Variants in DOK6 observed in about 807,000 individuals in gnomAD.
DOK6 encodes docking protein 6, also known as downstream of tyrosine kinase 6.
A neutral mutation model predicts 44.0 loss-of-function variants in DOK6; 22 were observed. The ratio of observed to expected loss-of-function variants is 0.50; its 90% CI spans 0.36 to 0.71. The LOEUF (loss-of-function observed/expected upper bound fraction) is 0.71, where lower values mean the gene tolerates loss of function less well. Among genes scored for constraint, DOK6 ranks in the 30% least tolerant of loss-of-function variants. The pLI is 0.00. For synonymous variants in DOK6, 166 were observed against 145.5 expected (o/e 1.14, Z -1.01); for missense variants, 340 against 416.4 (o/e 0.82, Z 1.60).
intron 6 of DOK6, among the ~76,000 whole-genome samples, chr18:69,750,089 A>G (rs926827761): frequency 6.7e-6 from 1 of 148,714 alleles, no homozygotes; most frequent in Non-Finnish European, 1.5e-5. Flanking sequence ...AAAAACATGT[A>G]TGTGTTAAAA....
intron 3 of DOK6, among the ~76,000 whole-genome samples, chr18:69,631,082 G>C (rs1269110463): frequency 2.6e-5 from 4 of 151,806 alleles, no homozygotes; most frequent in Non-Finnish European, 4.4e-5. Flanking sequence ...CATAGCTAAA[G>C]ATAAGGTATT....
intron 1 of DOK6, among the ~76,000 whole-genome samples, chr18:69,527,359 A>T (rs976600704): frequency 1.3e-5 from 2 of 152,344 alleles, no homozygotes; most frequent in Non-Finnish European, 1.5e-5. Flanking sequence ...CAGGAAACTT[A>T]CAATCATAGC....
chr18:69,796,394 T>A (rs1980745624), intron 7 of DOK6, among the ~76,000 whole-genome samples: 3 of 152,162 alleles, frequency 2.0e-5, no homozygotes, highest in African/African-American at 7.2e-5. Flanking sequence ...TTCTTATTAA[T>A]ATACATAAGC....
chr18:69,585,702 C>T (rs186176475), intron 2 of DOK6, among the ~76,000 whole-genome samples: 2 of 152,266 alleles, frequency 1.3e-5, no homozygotes, highest in Admixed American at 1.3e-4. Context: ...TGTAGGGATA[C>T]ACTGTACTGC....
At chr18:69,810,389 GA>G (rs1439453710) in intron 7 of DOK6, among the ~76,000 whole-genome samples, 3 of 151,948 alleles carry the variant, frequency 2.0e-5, no homozygotes, top group Non-Finnish European at 4.4e-5. Flanking sequence ...GGAGCTCCAT[GA>G]TATTGGCCTA....
rs570705115 is a variant in DOK6, at chr18:69,673,934, T to G, written c.290-3800T>G. On this transcript the variant is annotated intron_variant, in intron 3 of 7. Transcript: ENST00000382713. ...ACACATTATGTGTAGACTAAAAAGT[T>G]TGAAAGATAAAGCAAATTACAAAGG... Among the ~76,000 whole-genome samples, 167 of 152,288 alleles carry G rather than the reference T, an allele frequency of 1.1e-3. 3 individuals are homozygous for G. The highest frequency in any genetic ancestry group is 4.0e-3 in the African/African-American group (167 of 41,568).
At chr18:69,615,619 T>G (rs1984265816) in intron 3 of DOK6, among the ~76,000 whole-genome samples, 1 of 152,224 alleles carries the variant, frequency 6.6e-6, no homozygotes, top group Non-Finnish European at 1.5e-5. Context: ...AATGAGACTT[T>G]AAATTTTTAA....
intron 5 of DOK6, among the ~76,000 whole-genome samples, chr18:69,736,458 G>GA (rs200254307): frequency 2.0e-5 from 3 of 151,688 alleles, no homozygotes; most frequent in East Asian, 3.9e-4. Flanking sequence ...TTTTAGATAA[G>GA]AAAAAAAACA....
chr18:69,655,858 A>G lies in DOK6; in HGVS notation c.290-21876A>G, dbSNP rs116928812. Among the ~76,000 whole-genome samples the G allele has an allele frequency of 2.7e-3, 414 of 152,044 alleles. 1 individual carries two copies. The East Asian group carries it at 0.031, about 11-fold the overall frequency. ...TATGAAAAATAAAATATGACATATG[A>G]TAAAAATAAGATATGAAAGAGTAAG... On this transcript the variant is annotated intron_variant, in intron 3 of 7. Transcript: ENST00000382713.
At chr18:69,522,233 T>TACAC (rs377611827) in intron 1 of DOK6, among the ~76,000 whole-genome samples, 7 of 150,652 alleles carry the variant, frequency 4.6e-5, no homozygotes, top group Non-Finnish European at 1.0e-4. Flanking sequence ...CCCACACACA[T>TACAC]ACACACACAC....
chr18:69,410,265 CCT>C (rs1249087744), intron 1 of DOK6, among the ~76,000 whole-genome samples: 19 of 152,222 alleles, frequency 1.2e-4, no homozygotes, highest in Admixed American at 3.9e-4. Context: ...ATAGGAGTGA[CCT>C]GCAGAACTTG....
intron 1 of DOK6, among the ~76,000 whole-genome samples, chr18:69,423,807 G>A (rs935575459): frequency 6.6e-6 from 1 of 152,112 alleles, no homozygotes; most frequent in Non-Finnish European, 1.5e-5. Context: ...AACATAATTT[G>A]CTGTGTTTCA....
rs1982287777 is a variant in DOK6, at chr18:69,843,764, G to A, written c.*2381G>A. ...CATTCTGAAAATGATGTCGTAAAAA[G>A]AGTATGTGTGAGAGAAATCTCCTTC... On this transcript the variant is annotated 3_prime_UTR_variant, in exon 8 of 8. Coordinates refer to ENST00000382713, the MANE Select transcript of DOK6 (RefSeq NM_152721.6). 6.6e-6 allele frequency: 1 copy of A among 152,190 alleles called. No homozygotes were observed. Among genetic ancestry groups the A allele is most frequent in the South Asian group, 2.1e-4 (1 of 4,832 alleles). The allele number at this position is 152,190 out of a possible 1,614,324, so 9.4% of individuals were successfully genotyped here.
intron 6 of DOK6, among the ~76,000 whole-genome samples, chr18:69,749,165 T>G (rs1599303782): frequency 2.7e-5 from 4 of 149,998 alleles, no homozygotes; most frequent in Non-Finnish European, 5.9e-5. Context: ...GGGGTTGGGG[T>G]GGGGAGAGGG....
intron 6 of DOK6, among the ~76,000 whole-genome samples, chr18:69,753,813 G>A (rs562174058): frequency 5.8e-5 from 7 of 121,292 alleles, no homozygotes; most frequent in Admixed American, 1.7e-4. Context: ...ATTTTGTATC[G>A]CTGTTTGAGA....
intron 7 of DOK6, among the ~76,000 whole-genome samples, chr18:69,784,526 T>C (rs909946074): frequency 6.6e-6 from 1 of 151,772 alleles, no homozygotes; most frequent in African/African-American, 2.4e-5. Flanking sequence ...GCACTTGTAA[T>C]TTATTATTGC....
rs1982291780 is a variant in DOK6 at position 69,843,935 on chromosome 18, A to T, written c.*2552A>T. On this transcript the variant is annotated 3_prime_UTR_variant, in exon 8 of 8. Coordinates refer to ENST00000382713, the MANE Select transcript of DOK6 (RefSeq NM_152721.6). ...AGACTGCTAAATGAACAGATAGGAG[A>T]ACTTATATTAGACTAATATCCTTGA... The T allele has an allele frequency of 6.6e-6, 1 of 152,160 alleles. No individual in the cohort carries two copies. Among genetic ancestry groups the T allele is most frequent in the Non-Finnish European group, 1.5e-5 (1 of 68,044 alleles). The allele number at this position is 152,160 out of a possible 1,614,324, so 9.4% of individuals were successfully genotyped here. A position where few individuals can be genotyped will look rare whatever the true frequency, so the allele number is the denominator to read the frequency against.
chr18:69,589,561 A>C (rs1299854081), intron 2 of DOK6, among the ~76,000 whole-genome samples: 1 of 152,162 alleles, frequency 6.6e-6, no homozygotes, highest in African/African-American at 2.4e-5. Context: ...AATCTCAATT[A>C]TCATGATGCA....
intron 7 of DOK6, among the ~76,000 whole-genome samples, chr18:69,804,148 G>T (rs1388778864): frequency 1.3e-5 from 2 of 152,124 alleles, no homozygotes; most frequent in African/African-American, 4.8e-5. Flanking sequence ...AATGACCTGG[G>T]GGAGAGCATG....
Sources: allele counts gnomAD v4.1 joint callset (sites outside exome capture counted in the v4.1 genomes callset), GRCh38; gene constraint gnomAD v4.1.1; transcripts MANE v1.5; gene names NCBI Gene and HGNC (gene_info 2026-07-23, HGNC 2026-07-21).